The following SEL1L3 variants were observed in gnomAD, a reference collection of about 807,000 sequenced individuals.
SEL1L3 encodes the protein protein sel-1 homolog 3.
In SEL1L3, 76 loss-of-function variants were observed where a neutral mutation model predicts 142.8. The ratio of observed to expected loss-of-function variants is 0.53; its 90% confidence interval spans 0.44 to 0.64. The LOEUF is 0.64. Among genes scored for constraint, SEL1L3 ranks in the 30% least tolerant of loss-of-function variants. SEL1L3 has a pLI of 0.00. For synonymous variants in SEL1L3, 504 were observed against 519.6 expected (o/e 0.97, Z 0.41); for missense variants, 1,262 against 1,381.7 (o/e 0.91, Z 1.37).
intron 2 of SEL1L3, among the ~76,000 whole-genome samples, chr4:25,843,680 A>G (rs543718792): frequency 7.3e-4 from 111 of 152,376 alleles, no homozygotes; most frequent in Admixed American, 5.6e-3. Flanking sequence ...AGAATGCAGC[A>G]GTAACACGTG....
Position 25,802,398 on chromosome 4 carries a change from T to C in SEL1L3, c.1841A>G (p.Tyr614Cys), listed in dbSNP as rs1713243150. The C allele has an allele frequency of 6.2e-7, 1 of 1,613,764 alleles. No homozygotes were observed. Among genetic ancestry groups the C allele is most frequent in the Non-Finnish European group, 8.5e-7 (1 of 1,179,842 alleles). ...SERLSSMNLGYKHYQGIDNYP... is the reference protein window; with the variant it reads ...SERLSSMNLGCKHYQGIDNYP... ...GTTGTCAATACCCTGGTAGTGTTTA[T>C]ACCCAAGATTCATTGAAGACAGCCT... The change falls in exon 11 of 24, where the codon TAT becomes TGT. Residue 614 changes from tyrosine (Y) to cysteine (C), a missense_variant. By Grantham distance (194) the Tyr-to-Cys change is radical (BLOSUM62 -2). This residue lies in a region of SEL1L3 where 435 missense variants were observed against 559.2 expected (regional missense o/e 0.78). Transcript: ENST00000399878.
chr4:25,736,116 A>C, the SEL1L3 span, among the ~76,000 whole-genome samples: 295 of 151,738 alleles, frequency 1.9e-3, no homozygotes, highest in African/African-American at 6.6e-3. Flanking sequence ...GGCATGAGCC[A>C]CCGTGCCCGG....
At chr4:25,857,940 T>C (rs1020422921) in intron 1 of SEL1L3, among the ~76,000 whole-genome samples, 1 of 152,138 alleles carries the variant, frequency 6.6e-6, no homozygotes, top group Non-Finnish European at 1.5e-5. Context: ...CTCAGCCAGC[T>C]CCCCAGTATA....
In SEL1L3 at chr4:25,747,663, C is replaced by CT. The variant is rs540098631; in HGVS notation, c.*761dup. ...TAGGGATGAAACTATAAGCTAGAGG[C>CT]TTACTTGCTGCATATTCCGTTGCTG... On this transcript the variant is annotated 3_prime_UTR_variant, in exon 24 of 24. Transcript: ENST00000399878. 4.6e-5 allele frequency: 7 copies of CT among 152,318 alleles called. No individual in the cohort carries two copies. The South Asian group carries it at 1.0e-3, about 23-fold the overall frequency. The allele number at this position is 152,318 out of a possible 1,614,324, so 9.4% of individuals were successfully genotyped here. A position where few individuals can be genotyped will look rare whatever the true frequency, so the allele number is the denominator to read the frequency against.
intron 19 of SEL1L3, 86 bp from the exon 20 acceptor site, chr4:25,765,521 A>C: frequency 1.2e-6 from 1 of 814,888 alleles, no homozygotes; most frequent in Non-Finnish European, 2.1e-6. Flanking sequence ...ACATGAATGC[A>C]AGTTTTTCCT....
chr4:25,772,344 TA>T (rs1316999588), intron 17 of SEL1L3, among the ~76,000 whole-genome samples: 3 of 152,038 alleles, frequency 2.0e-5, no homozygotes, highest in Admixed American at 2.0e-4. Flanking sequence ...GTATCAAGAT[TA>T]GCAAAGATAT....
intron 17 of SEL1L3, chr4:25,773,715 A>C (rs1719401129): frequency 6.6e-6 from 1 of 152,230 alleles, no homozygotes; most frequent in Non-Finnish European, 1.5e-5. Flanking sequence ...ACAAACGCAT[A>C]ATCTGCCATT....
the SEL1L3 span, among the ~76,000 whole-genome samples, chr4:25,735,824 T>C: frequency 6.8e-6 from 1 of 147,402 alleles, no homozygotes; most frequent in African/African-American, 2.5e-5. Context: ...TTTCTAACTA[T>C]TCTTTTTTTT....
the SEL1L3 span, chr4:25,719,249 T>C: frequency 6.6e-6 from 1 of 152,126 alleles, no homozygotes; most frequent in Non-Finnish European, 1.5e-5. Flanking sequence ...CTTTTGAGTA[T>C]AAACGAGTGT....
rs2290576 is a variant in SEL1L3 at position 25,767,508 on chromosome 4, C to G, written c.2845+17G>C. The stretch of plus-strand genomic sequence containing the variant: ...AACACCTAATGCTTCAATTTTGCAC[C>G]GTTTTTCTATACATACCAAAGGAAG... On this transcript the variant is annotated intron_variant, in intron 19 of 23. Coordinates refer to ENST00000399878, the MANE Select transcript of SEL1L3 (RefSeq NM_015187.5). 0.22 allele frequency: 318,793 copies of G among 1,420,252 alleles called. 37,135 individuals are homozygous for G. The highest frequency in any genetic ancestry group is 0.32 in the Middle Eastern group (1,820 of 5,722). The allele number at this position is 1,420,252 out of a possible 1,614,324, so 88.0% of individuals were successfully genotyped here.
intron 1 of SEL1L3, among the ~76,000 whole-genome samples, chr4:25,861,256 A>G (rs1488382897): frequency 1.3e-5 from 2 of 152,226 alleles, no homozygotes; most frequent in Non-Finnish European, 2.9e-5. Flanking sequence ...TGGCATAAAT[A>G]TTAAATAATA....
At chr4:25,821,421 C>T (rs1421697534) in intron 7 of SEL1L3, among the ~76,000 whole-genome samples, 5 of 152,222 alleles carry the variant, frequency 3.3e-5, no homozygotes, top group Non-Finnish European at 7.3e-5. Flanking sequence ...CTCCCCCGAC[C>T]AGTCCAGCTG....
intron 1 of SEL1L3, 84 bp from the exon 2 acceptor site, chr4:25,847,948 G>A (rs1716646801): frequency 2.3e-6 from 2 of 860,404 alleles, no homozygotes; most frequent in Non-Finnish European, 3.5e-6. Context: ...TATTTTCCTG[G>A]GATAAAAAAA....
chr4:25,798,720 C>T (rs1006401143), intron 11 of SEL1L3, among the ~76,000 whole-genome samples: 5 of 152,048 alleles, frequency 3.3e-5, no homozygotes, highest in South Asian at 2.1e-4. Flanking sequence ...CCCAGCTACT[C>T]GGGAGGCTGA....
chr4:25,859,073 G>A (rs1238195651), intron 1 of SEL1L3, among the ~76,000 whole-genome samples: 2 of 152,252 alleles, frequency 1.3e-5, no homozygotes, highest in African/African-American at 4.8e-5. Context: ...TTTTCTGGAA[G>A]TGCCATTATC....
chr4:25,775,406 C>T (rs1719543138), intron 17 of SEL1L3, among the ~76,000 whole-genome samples: 1 of 152,198 alleles, frequency 6.6e-6, no homozygotes, highest in African/African-American at 2.4e-5. Context: ...TTTGAACTTA[C>T]ACTTTAATTT....
At chr4:25,749,719 G>A (rs138085130) in intron 23 of SEL1L3, among the ~76,000 whole-genome samples, 1,848 of 152,314 alleles carry the variant, frequency 0.012, 21 homozygotes, top group Middle Eastern at 0.02. Context: ...ATTATTTGCT[G>A]CCTGGGGGAC....
chr4:25,818,127 G>A lies in SEL1L3; in HGVS notation c.1564+11C>T. ...AACCAGCGCCTAAAGCCGAGGCAAA[G>A]ACTCAATTACCGGTCAGCAGATCCA... On this transcript the variant is annotated intron_variant, in intron 9 of 23. Transcript: ENST00000399878. 6.2e-7 allele frequency: 1 copy of A among 1,610,054 alleles called. No individual in the cohort carries two copies.
intron 23 of SEL1L3, 57 bp downstream of exon 23, chr4:25,757,477 A>T: frequency 9.3e-7 from 1 of 1,070,046 alleles, no homozygotes; most frequent in Non-Finnish European, 1.3e-6. Flanking sequence ...AAAAAAAAAA[A>T]AAATCCCTGC....
Sources: gnomAD v4.1 joint callset for allele counts (sites outside exome capture counted in the v4.1 genomes callset) on GRCh38, gnomAD v4.1.1 for gene constraint, gnomAD v4.1.1 regional missense constraint, MANE v1.5 for transcripts, NCBI Gene and HGNC (gene_info 2026-07-23, HGNC 2026-07-21) for gene names.